TMEM217: variants seen among roughly 807,000 people sequenced by gnomAD.
TMEM217 encodes chromosome 6 open reading frame 128.
For missense variants in TMEM217, 204 were observed against 248.8 expected (o/e 0.82, Z 1.21); for synonymous variants, 76 against 88.3 (o/e 0.86, Z 0.78).
chr6:37,254,157 G>T (rs1158861807), intron 1 of TMEM217, among the ~76,000 whole-genome samples: 1 of 152,180 alleles, frequency 6.6e-6, no homozygotes, highest in African/African-American at 2.4e-5. Flanking sequence ...GAGCTTGTTA[G>T]AAATTCTGAG....
intron 1 of TMEM217, among the ~76,000 whole-genome samples, chr6:37,226,900 C>G (rs1763874589): frequency 6.6e-6 from 1 of 152,306 alleles, no homozygotes; most frequent in South Asian, 2.1e-4. Context: ...AACTTGGTAA[C>G]AACTCATGTA....
Position 37,222,215 on chromosome 6 carries a change from G to A in TMEM217, c.-11-3174C>T, listed in dbSNP as rs562657450. ...ACCACTTAGGTCTGCAGGACTGGCG[G>A]CCTGGCCCCAGCCTTCAGGCTCTCC... On this transcript the variant is annotated intron_variant, in intron 1 of 1. Transcript: ENST00000357219. Among the ~76,000 whole-genome samples, 97 of 152,330 alleles carry A rather than the reference G, an allele frequency of 6.4e-4. No homozygotes were observed. The Middle Eastern group carries it at 0.01, about 16-fold the overall frequency.
chr6:37,247,556 T>A (rs55740797), intron 1 of TMEM217, among the ~76,000 whole-genome samples: 9,990 of 151,900 alleles, frequency 0.066, 1,063 homozygotes, highest in African/African-American at 0.22. Context: ...ACCAGCTAAT[T>A]TTTGTATTTT....
At chr6:37,227,528 C>A (rs1040027777) in intron 1 of TMEM217, among the ~76,000 whole-genome samples, 1 of 152,140 alleles carries the variant, frequency 6.6e-6, no homozygotes, top group African/African-American at 2.4e-5. Context: ...CTCACTGCAA[C>A]CTCCATCTCC....
chr6:37,227,752 A>C (rs1286656504), intron 1 of TMEM217, among the ~76,000 whole-genome samples: 1 of 151,758 alleles, frequency 6.6e-6, no homozygotes, highest in Non-Finnish European at 1.5e-5. Context: ...CTCAGCCTAA[A>C]TGTTTATTAT....
At chr6:37,252,144 C>T (rs987272316) in intron 1 of TMEM217, among the ~76,000 whole-genome samples, 2 of 152,216 alleles carry the variant, frequency 1.3e-5, no homozygotes, top group Admixed American at 6.5e-5. Context: ...CCGCCTGCCT[C>T]GGCCTCCCAA....
chr6:37,244,841 C>T (rs566961263), intron 1 of TMEM217, among the ~76,000 whole-genome samples: 214 of 152,286 alleles, frequency 1.4e-3, no homozygotes, highest in Non-Finnish European at 1.3e-3. Context: ...GTTGGTTGGC[C>T]AGGCAATTTT....
chr6:37,252,461 A>G (rs542743703), intron 1 of TMEM217, among the ~76,000 whole-genome samples: 1 of 151,932 alleles, frequency 6.6e-6, no homozygotes, highest in East Asian at 1.9e-4. Flanking sequence ...ACATACATAC[A>G]TACATGTATA....
At chr6:37,217,377 A>G (rs1763266052), downstream of TMEM217, among the ~76,000 whole-genome samples, 1 of 152,246 alleles carries the variant, frequency 6.6e-6, no homozygotes. Context: ...GTAATCATAT[A>G]CTGTCTTATA....
At chr6:37,245,588 A>G (rs1053045044) in intron 1 of TMEM217, among the ~76,000 whole-genome samples, 135 of 152,298 alleles carry the variant, frequency 8.9e-4, no homozygotes, top group African/African-American at 3.1e-3. Context: ...CTGCTTCCCA[A>G]TGAGTTTCAT....
chr6:37,236,693 A>G (rs1764526167), intron 1 of TMEM217, among the ~76,000 whole-genome samples: 1 of 151,294 alleles, frequency 6.6e-6, no homozygotes, highest in South Asian at 2.1e-4. Context: ...ATTAATTTCT[A>G]TAACAAATTA....
At chr6:37,222,458 C>G (rs1763581339) in intron 1 of TMEM217, among the ~76,000 whole-genome samples, 1 of 152,200 alleles carries the variant, frequency 6.6e-6, no homozygotes, top group Non-Finnish European at 1.5e-5. Flanking sequence ...CCTGGGGTCC[C>G]CGAGGGTGCA....
chr6:37,222,826 G>T (rs926841932), intron 1 of TMEM217, among the ~76,000 whole-genome samples: 1 of 152,220 alleles, frequency 6.6e-6, no homozygotes, highest in African/African-American at 2.4e-5. Context: ...AAGGGGCCGG[G>T]CTTCCACCGG....
chr6:37,242,373 C>T (rs1217582135), intron 1 of TMEM217, among the ~76,000 whole-genome samples: 1 of 152,200 alleles, frequency 6.6e-6, no homozygotes, highest in Non-Finnish European at 1.5e-5. Flanking sequence ...ATTCTATTCA[C>T]CCTCAACTTT....
downstream of TMEM217, among the ~76,000 whole-genome samples, chr6:37,217,056 G>A (rs778779245): frequency 8.5e-5 from 13 of 152,224 alleles, no homozygotes; most frequent in Non-Finnish European, 1.6e-4. Context: ...CACTTTGGGA[G>A]GCTGAGGCAA....
intron 1 of TMEM217, among the ~76,000 whole-genome samples, chr6:37,234,248 C>T (rs530790140): frequency 3.2e-4 from 48 of 151,972 alleles, no homozygotes; most frequent in South Asian, 1.0e-3. Context: ...TACAGGCATG[C>T]GCCACCACAC....
At chr6:37,248,329 G>T (rs1430661131) in intron 1 of TMEM217, among the ~76,000 whole-genome samples, 3 of 152,276 alleles carry the variant, frequency 2.0e-5, no homozygotes, top group Admixed American at 1.3e-4. Flanking sequence ...CTAGTTAGAA[G>T]AATTAATTTC....
chr6:37,222,218 T>C (rs576167228), intron 1 of TMEM217, among the ~76,000 whole-genome samples: 2 of 152,334 alleles, frequency 1.3e-5, no homozygotes, highest in East Asian at 3.9e-4. Context: ...ACTGGCGGCC[T>C]GGCCCCAGCC....
chr6:37,222,520 C>G (rs1297213378), intron 1 of TMEM217, among the ~76,000 whole-genome samples: 3 of 152,172 alleles, frequency 2.0e-5, no homozygotes, highest in African/African-American at 7.2e-5. Context: ...CCCGCTAACT[C>G]GAAAGGGGCG....
Sources: allele counts gnomAD v4.1 joint callset (sites outside exome capture counted in the v4.1 genomes callset), GRCh38; gene constraint gnomAD v4.1.1; transcripts MANE v1.5; gene names NCBI Gene and HGNC (gene_info 2026-07-23, HGNC 2026-07-21).